ZNF197: variants seen among roughly 807,000 people sequenced by gnomAD.
ZNF197 encodes the protein zinc finger protein 197.
Under a neutral mutation model 27.4 loss-of-function variants are expected in ZNF197, and 14 were observed. The ratio of observed to expected loss-of-function variants is 0.51; its 90% confidence interval spans 0.34 to 0.80. ZNF197 has a LOEUF of 0.80. ZNF197 is among the 30% of genes least tolerant of loss of function. ZNF197 has a pLI of 0.02. For missense variants in ZNF197, 1,090 were observed against 1,222.6 expected, an observed-to-expected ratio of 0.89 and a Z score of 1.62; for synonymous variants, 415 against 420.0, an observed-to-expected ratio of 0.99 and a Z score of 0.15.
intron 5 of ZNF197, among the ~76,000 whole-genome samples, chr3:44,634,677 T>C (rs1387061590): frequency 1.3e-5 from 2 of 152,228 alleles, no homozygotes; most frequent in East Asian, 3.8e-4. Flanking sequence ...CTTAAACTCC[T>C]GACCTCAGGT....
In ZNF197 at chr3:44,643,988, C is replaced by T. The variant is rs1232706730; in HGVS notation, c.2858C>T (p.Thr953Ile). 3.1e-6 allele frequency: 5 copies of T among 1,614,008 alleles called. No individual in the cohort carries two copies. The African/African-American group carries it at 6.7e-5, about 22-fold the overall frequency. The change falls in exon 6 of 6, where the codon ACA becomes ATA. Residue 953 changes from threonine to isoleucine, a missense_variant. By Grantham distance (89) the Thr-to-Ile change is moderately conservative. Coordinates refer to ENST00000344387, the MANE Select transcript of ZNF197 (RefSeq NM_006991.5). ...TTAGTTGGCCACCAGAGAATTCACA[C>T]AGGGGAGAAACCCTATGGGTGTAAT... Reference protein sequence around the residue: ...RNLVGHQRIHTGEKPYGCNDC... With the variant: ...RNLVGHQRIHIGEKPYGCNDC...
rs1374740899 is a variant in ZNF197 at position 44,642,521 on chromosome 3, A to G, written c.1391A>G (p.Tyr464Cys). ...YKCKECGKGF[Y>C]RHSGLIIHLR... ...TGTAAGGAGTGTGGAAAGGGCTTCT[A>G]TAGGCACTCAGGCCTAATTATACAT... The change falls in exon 6 of 6, where the codon TAT becomes TGT. Residue 464 changes from tyrosine to cysteine, a missense_variant. Transcript: ENST00000344387. The G allele has an allele frequency of 2.5e-6, 4 of 1,613,946 alleles. No individual in the cohort carries two copies. The highest frequency in any genetic ancestry group is 2.2e-5 in the South Asian group (2 of 91,068).
rs887702299 is a variant in ZNF197, at chr3:44,629,278, C to T, written c.124C>T (p.His42Tyr). Residue 42 changes from histidine to tyrosine, a missense_variant, in exon 2 of 6, where the codon CAC becomes TAC. Transcript: ENST00000344387. ...TAGCTCCTCTGTTTGGGAGACCTCC[C>T]ACCTACACTTTAGACAATTACGTTA... Reference protein sequence around the residue: ...GSSSSVWETSHLHFRQLRYHE... With the variant: ...GSSSSVWETSYLHFRQLRYHE... 1 of 1,614,054 alleles carries T rather than the reference C, an allele frequency of 6.2e-7. No homozygotes were observed. Among genetic ancestry groups the T allele is most frequent in the East Asian group, 2.2e-5 (1 of 44,896 alleles).
In ZNF197 at chr3:44,644,800, C is replaced by T. The variant is rs1398897554; in HGVS notation, c.*580C>T. ...TTTGGGAGGCCGAGGTGGGAAGATCCCTTGAGCCCAGGAGTTCGAGACAAG... is the reference window on the plus strand; with the variant it reads ...TTTGGGAGGCCGAGGTGGGAAGATCTCTTGAGCCCAGGAGTTCGAGACAAG... On this transcript the variant is annotated 3_prime_UTR_variant, in exon 6 of 6. Coordinates refer to ENST00000344387, the MANE Select transcript of ZNF197 (RefSeq NM_006991.5). 2 of 983,830 alleles carry T rather than the reference C, an allele frequency of 2.0e-6. No individual in the cohort carries two copies. 60.9% of individuals were successfully genotyped at this position (983,830 alleles called of 1,614,324 possible).
chr3:44,643,135 C>T lies in ZNF197; in HGVS notation c.2005C>T (p.Gln669Ter). 1 of 1,612,908 alleles carries T rather than the reference C, an allele frequency of 6.2e-7. No individual in the cohort carries two copies. The highest frequency in any genetic ancestry group is 8.5e-7 in the Non-Finnish European group (1 of 1,179,740). Residue 669 changes from glutamine to a stop codon, truncating the protein, a stop_gained, in exon 6 of 6, where the codon CAA becomes TAA. Coordinates refer to ENST00000344387, the MANE Select transcript of ZNF197 (RefSeq NM_006991.5). LOFTEE classifies it low-confidence loss of function (END_TRUNC). The stretch of plus-strand genomic sequence containing the variant: ...TCTGAAGAAGAGCCTCATTTTACAT[C>T]AAAGGTTCCACACTGGAGAGAATCT... ...FILKKSLILH[Q>*]RFHTGENLYE...
At position 44,627,527 on chromosome 3, in the gene ZNF197, G is replaced by T. The variant is rs1362093069; in HGVS notation, c.-81-1547G>T. On this transcript the variant is annotated intron_variant, in intron 1 of 5. Coordinates refer to ENST00000344387, the MANE Select transcript of ZNF197 (RefSeq NM_006991.5). The stretch of plus-strand genomic sequence containing the variant: ...ATGATCCTTTTATTTTTCCTTAAAA[G>T]CCCAATCCAAAAGTACCTTTCATGG... 2.0e-5 allele frequency among the ~76,000 whole-genome samples: 3 copies of T among 151,972 alleles called. No individual in the cohort carries two copies. In the East Asian group the frequency reaches 5.8e-4, roughly 29 times the overall value.
intron 5 of ZNF197, among the ~76,000 whole-genome samples, chr3:44,633,941 T>C (rs562168209): frequency 2.8e-4 from 43 of 152,386 alleles, no homozygotes; most frequent in Non-Finnish European, 4.4e-4. Flanking sequence ...ATTTAAACTG[T>C]ACATTTTCAC....
chr3:44,625,690 T>A (rs538565769), intron 1 of ZNF197, among the ~76,000 whole-genome samples: 3 of 152,196 alleles, frequency 2.0e-5, no homozygotes, highest in Non-Finnish European at 4.4e-5. Context: ...GCAATACATT[T>A]TAACACAAAG....
chr3:44,631,155 G>A lies in ZNF197; in HGVS notation c.484G>A (p.Ala162Thr). The A allele has an allele frequency of 6.2e-7, 1 of 1,614,138 alleles. No individual in the cohort carries two copies. Among genetic ancestry groups the A allele is most frequent in the Non-Finnish European group, 8.5e-7 (1 of 1,180,036 alleles). The change falls in exon 3 of 6, where the codon GCA becomes ACA. Residue 162 changes from alanine to threonine, a missense_variant. Coordinates refer to ENST00000344387, the MANE Select transcript of ZNF197 (RefSeq NM_006991.5). Reference protein sequence around the residue: ...LPPVLPGSHIAAEICPHPPTD... With the variant: ...LPPVLPGSHITAEICPHPPTD... Reference sequence around the variant, plus strand: ...TCCTGTACTTCCTGGCAGCCACATAGCAGCTGAAATTTGCCCGCATCCTCC... The same window carrying A: ...TCCTGTACTTCCTGGCAGCCACATAACAGCTGAAATTTGCCCGCATCCTCC...
chr3:44,648,336 T>C lies in ZNF197; in HGVS notation c.*4116T>C, dbSNP rs1358944209. The stretch of plus-strand genomic sequence containing the variant: ...ACTTTCAAAAAAATGATTTTAAATA[T>C]GTATTGAGAGATCAGGCAAACATAG... On this transcript the variant is annotated 3_prime_UTR_variant, in exon 6 of 6. Coordinates refer to ENST00000344387, the MANE Select transcript of ZNF197 (RefSeq NM_006991.5). 6.6e-6 allele frequency: 1 copy of C among 152,208 alleles called. No homozygotes were observed. Among genetic ancestry groups the C allele is most frequent in the Non-Finnish European group, 1.5e-5 (1 of 68,042 alleles). 9.4% of individuals were successfully genotyped at this position (152,208 alleles called of 1,614,324 possible).
Position 44,645,598 on chromosome 3 carries a change from T to C in ZNF197, c.*1378T>C, listed in dbSNP as rs1193222856. ...GAGTGTCAAAATGGAAGGGCAGTGG[T>C]ACCCTGCTTTCCCTATTCAGAGGGA... On this transcript the variant is annotated 3_prime_UTR_variant, in exon 6 of 6. Coordinates refer to ENST00000344387, the MANE Select transcript of ZNF197 (RefSeq NM_006991.5). 1 of 985,290 alleles carries C rather than the reference T, an allele frequency of 1.0e-6. No individual in the cohort carries two copies. The highest frequency in any genetic ancestry group is 1.2e-6 in the Non-Finnish European group (1 of 829,944). 61.0% of individuals were successfully genotyped at this position (985,290 alleles called of 1,614,324 possible).
chr3:44,630,562 AATAC>A (rs1344097487), intron 2 of ZNF197, among the ~76,000 whole-genome samples: 2 of 152,220 alleles, frequency 1.3e-5, no homozygotes, highest in Non-Finnish European at 2.9e-5. Context: ...ACAAATTACT[AATAC>A]ATCCTCATTT....
At position 44,644,006 on chromosome 3, in the gene ZNF197, G is replaced by A. The variant is rs1331175938; in HGVS notation, c.2876G>A (p.Gly959Glu). 1 of 1,614,018 alleles carries A rather than the reference G, an allele frequency of 6.2e-7. No homozygotes were observed. The highest frequency in any genetic ancestry group is 8.5e-7 in the Non-Finnish European group (1 of 1,180,002). ...QRIHTGEKPY[G>E]CNDCSKVFRQ... ...ATTCACACAGGGGAGAAACCCTATG[G>A]GTGTAATGATTGTAGTAAAGTTTTT... is the stretch of plus-strand genomic sequence containing the variant. The change falls in exon 6 of 6, where the codon GGG (glycine) becomes GAG (glutamate). Residue 959 changes from glycine (G) to glutamate (E), a missense_variant. Gly to Glu is a moderately conservative substitution (Grantham distance 98). Transcript: ENST00000344387.
chr3:44,645,733 A>G lies in ZNF197; in HGVS notation c.*1513A>G. The G allele has an allele frequency of 1.0e-6, 1 of 985,452 alleles. No individual in the cohort carries two copies. The highest frequency in any genetic ancestry group is 1.2e-6 in the Non-Finnish European group (1 of 829,936). The allele number at this position is 985,452 out of a possible 1,614,324, so 61.0% of individuals were successfully genotyped here. A position where few individuals can be genotyped will look rare whatever the true frequency, so the allele number is the denominator to read the frequency against. ...ATGATAGCCTGTTACTAATGAAACA[A>G]CATTCTGTCCCAGCACTAAATTTAC... On this transcript the variant is annotated 3_prime_UTR_variant, in exon 6 of 6. Transcript: ENST00000344387.
intron 1 of ZNF197, among the ~76,000 whole-genome samples, chr3:44,627,576 T>TA (rs1369599779): frequency 6.6e-6 from 1 of 152,164 alleles, no homozygotes; most frequent in East Asian, 1.9e-4. Context: ...CTCATGCCTG[T>TA]AATCTCAGCA....
rs560676255 is a variant in ZNF197, at chr3:44,625,054, C to G, written c.-171C>G. 1 of 152,388 alleles carries G rather than the reference C, an allele frequency of 6.6e-6. No homozygotes were observed. The highest frequency in any genetic ancestry group is 1.9e-4 in the East Asian group (1 of 5,174). 9.4% of individuals were successfully genotyped at this position (152,388 alleles called of 1,614,324 possible). Reference sequence around the variant, plus strand: ...GCTCGGCCATTATTCTGTGCCTCGGCTGCCGGAAGGGCTCGTTCCTGTGTC... The same window carrying G: ...GCTCGGCCATTATTCTGTGCCTCGGGTGCCGGAAGGGCTCGTTCCTGTGTC... On this transcript the variant is annotated 5_prime_UTR_variant, in exon 1 of 6. Coordinates refer to ENST00000344387, the MANE Select transcript of ZNF197 (RefSeq NM_006991.5).
In ZNF197 at chr3:44,639,904, C is replaced by T. The variant is rs574097428; in HGVS notation, c.770-1996C>T. Among the ~76,000 whole-genome samples, 8 of 152,158 alleles carry T rather than the reference C, an allele frequency of 5.3e-5. No individual in the cohort carries two copies. The South Asian group carries it at 1.7e-3, about 32-fold the overall frequency. On this transcript the variant is annotated intron_variant, in intron 5 of 5. Coordinates refer to ENST00000344387, the MANE Select transcript of ZNF197 (RefSeq NM_006991.5). ...AAACAGGCAGTGGGTGAAGATACCCCTTTGACTCCACTGGTTATTTCTGCT... is the reference window on the plus strand; with the variant it reads ...AAACAGGCAGTGGGTGAAGATACCCTTTTGACTCCACTGGTTATTTCTGCT...
At position 44,642,796 on chromosome 3, in the gene ZNF197, C is replaced by A; in HGVS notation, c.1666C>A (p.His556Asn). 6.2e-7 allele frequency: 1 copy of A among 1,613,432 alleles called. No homozygotes were observed. Among genetic ancestry groups the A allele is most frequent in the Non-Finnish European group, 8.5e-7 (1 of 1,179,912 alleles). ...TFAQTTYLID[H>N]QRLHSAENPY... is the part of the protein sequence containing the mutation. ...TGCTCAGACCACTTATCTTATTGAC[C>A]ATCAGCGACTCCACAGTGCAGAGAA... is the stretch of plus-strand genomic sequence containing the variant. The change falls in exon 6 of 6, where the codon CAT (histidine) becomes AAT (asparagine). Residue 556 changes from histidine to asparagine, a missense_variant. Coordinates refer to ENST00000344387, the MANE Select transcript of ZNF197 (RefSeq NM_006991.5).
intron 5 of ZNF197, 126 bp downstream of exon 5, chr3:44,632,725 C>T: frequency 9.0e-7 from 1 of 1,108,546 alleles, no homozygotes; most frequent in South Asian, 2.9e-5. Context: ...AAAAACCTTC[C>T]TTAACATCGC....
Sources: allele counts gnomAD v4.1 joint callset (sites outside exome capture counted in the v4.1 genomes callset), GRCh38; gene constraint gnomAD v4.1.1; transcripts MANE v1.5; gene names NCBI Gene and HGNC (gene_info 2026-07-23, HGNC 2026-07-21).